TUSC2: variants seen among roughly 807,000 people sequenced by gnomAD.
The protein encoded by TUSC2 is tumor suppressor candidate 2.
TUSC2 carries 7 observed loss-of-function variants against 11.5 expected under a neutral mutation model. That is an observed-to-expected ratio of 0.61 (90% CI 0.35 to 1.14). The LOEUF (loss-of-function observed/expected upper bound fraction) is 1.14. TUSC2 is among the 50% of genes most tolerant of loss of function. TUSC2 has a pLI of 0.03. For synonymous variants in TUSC2, 61 were observed against 64.1 expected, an observed-to-expected ratio of 0.95 and a Z score of 0.23; for missense variants, 132 against 155.0, an observed-to-expected ratio of 0.85 and a Z score of 0.79.
chr3:50,326,362 G>C lies in TUSC2; in HGVS notation c.262C>G (p.Pro88Ala). Residue 88 changes from proline to alanine, a missense_variant, in exon 2 of 3, where the codon CCT (proline) becomes GCT (alanine). Coordinates refer to ENST00000232496, the MANE Select transcript of TUSC2 (RefSeq NM_007275.3). ...KLRRVHKNLI[P>A]QGIVKLDHPR... ...ACCGCTGCCCAGCCCCTCACCTGAG[G>C]AATCAGATTCTTATGCACTCGCCTC... The C allele has an allele frequency of 6.2e-7, 1 of 1,613,744 alleles. No individual in the cohort carries two copies. Among genetic ancestry groups the C allele is most frequent in the Non-Finnish European group, 8.5e-7 (1 of 1,179,974 alleles).
At position 50,324,938 on chromosome 3, in the gene TUSC2, T is replaced by C. The variant is rs1702766846; in HGVS notation, c.*1183A>G. 6.6e-6 allele frequency: 1 copy of C among 152,238 alleles called. No individual in the cohort carries two copies. The highest frequency in any genetic ancestry group is 2.4e-5 in the African/African-American group (1 of 41,390). The allele number at this position is 152,238 out of a possible 1,614,324, so 9.4% of individuals were successfully genotyped here. ...GGATCTACAAATCATTTTATTGAAA[T>C]TGAACAAATAACACAACAGTCTTCC... On this transcript the variant is annotated 3_prime_UTR_variant, in exon 3 of 3. Transcript: ENST00000232496.
At chr3:50,327,190 C>A (rs781931720) in intron 1 of TUSC2, 1 of 456,736 alleles carries the variant, frequency 2.2e-6, no homozygotes, top group South Asian at 1.5e-5. Context: ...ATGCTGCTGG[C>A]CCAGTGTCAA....
chr3:50,326,949 G>A, intron 1 of TUSC2: 5 of 338,210 alleles, frequency 1.5e-5, no homozygotes, highest in South Asian at 1.1e-4. Flanking sequence ...GGGGTTTGGG[G>A]TCTACTAGAA....
chr3:50,328,192 T>TGCCGCC lies in TUSC2; in HGVS notation c.-99_-94dup, dbSNP rs1338691840. On this transcript the variant is annotated 5_prime_UTR_variant, in exon 1 of 3. Coordinates refer to ENST00000232496, the MANE Select transcript of TUSC2 (RefSeq NM_007275.3). Reference sequence around the variant, plus strand: ...ACCTGCCCCAGCCGCTGATCGCAGGTGCCGCCGCCGCCGCCTTCCGCAGGC... The same window carrying TGCCGCC: ...ACCTGCCCCAGCCGCTGATCGCAGGTGCCGCCGCCGCCGCCGCCGCCTTCCGCAGGC... The TGCCGCC allele has an allele frequency of 9.9e-5, 127 of 1,276,422 alleles. No individual in the cohort carries two copies. Among genetic ancestry groups the TGCCGCC allele is most frequent in the African/African-American group, 1.6e-4 (10 of 64,106 alleles). The allele number at this position is 1,276,422 out of a possible 1,614,324, so 79.1% of individuals were successfully genotyped here. A position where few individuals can be genotyped will look rare whatever the true frequency, so the allele number is the denominator to read the frequency against.
chr3:50,327,406 G>A (rs780960044), intron 1 of TUSC2, among the ~76,000 whole-genome samples: 5 of 152,122 alleles, frequency 3.3e-5, no homozygotes, highest in African/African-American at 1.2e-4. Flanking sequence ...GGGCCTCTGG[G>A]AGACTGGGCT....
Position 50,328,044 on chromosome 3 carries a change from C to G in TUSC2, c.56G>C (p.Gly19Ala), listed in dbSNP as rs1702814115. The G allele has an allele frequency of 3.3e-6, 5 of 1,496,990 alleles. No individual in the cohort carries two copies. Among genetic ancestry groups the G allele is most frequent in the Non-Finnish European group, 4.5e-6 (5 of 1,122,658 alleles). The allele number at this position is 1,496,990 out of a possible 1,614,324, so 92.7% of individuals were successfully genotyped here. A position where few individuals can be genotyped will look rare whatever the true frequency, so the allele number is the denominator to read the frequency against. The change falls in exon 1 of 3, where the codon GGA becomes GCA. Residue 19 changes from glycine (G) to alanine (A), a missense_variant. By Grantham distance (60) the Gly-to-Ala change is moderately conservative. Around this residue, in one of 3 missense-constraint regions of TUSC2, gnomAD observed 17 missense variants for 33.1 expected, o/e 0.51. Coordinates refer to ENST00000232496, the MANE Select transcript of TUSC2 (RefSeq NM_007275.3). ...RGLWPFASAA[G>A]GGGSEAAGAE... is the part of the protein sequence containing the mutation. ...TCCTGCTGCCTCTGAGCCGCCGCCTCCGGCCGCCGAGGCGAAGGGCCACAG... is the reference window on the plus strand; with the variant it reads ...TCCTGCTGCCTCTGAGCCGCCGCCTGCGGCCGCCGAGGCGAAGGGCCACAG...
chr3:50,328,184 A>C lies in TUSC2; in HGVS notation c.-85T>G. 7.8e-7 allele frequency: 1 copy of C among 1,281,680 alleles called. No homozygotes were observed. Among genetic ancestry groups the C allele is most frequent in the Non-Finnish European group, 9.9e-7 (1 of 1,009,964 alleles). The allele number at this position is 1,281,680 out of a possible 1,614,324, so 79.4% of individuals were successfully genotyped here. On this transcript the variant is annotated 5_prime_UTR_variant, in exon 1 of 3. Transcript: ENST00000232496. The stretch of plus-strand genomic sequence containing the variant: ...CTACCATAACCTGCCCCAGCCGCTG[A>C]TCGCAGGTGCCGCCGCCGCCGCCTT...
At position 50,325,707 on chromosome 3, in the gene TUSC2, T is replaced by C. The variant is rs1702778663; in HGVS notation, c.*414A>G. ...AAAGGAAGTTCCTACTTGTATACAG[T>C]GCCCACAGCCTAGGGGCTGGAAGAA... On this transcript the variant is annotated 3_prime_UTR_variant, in exon 3 of 3. Transcript: ENST00000232496. This position sits in a 1 kb window ranked among gnomAD's most constrained non-coding sequence, Gnocchi z 5.1. 1 of 212,760 alleles carries C rather than the reference T, an allele frequency of 4.7e-6. No homozygotes were observed. The highest frequency in any genetic ancestry group is 2.3e-5 in the African/African-American group (1 of 43,768). 13.2% of individuals were successfully genotyped at this position (212,760 alleles called of 1,614,324 possible).
At position 50,328,012 on chromosome 3, in the gene TUSC2, G is replaced by C; in HGVS notation, c.88C>G (p.Gln30Glu). 1 of 1,531,388 alleles carries C rather than the reference G, an allele frequency of 6.5e-7. No individual in the cohort carries two copies. The highest frequency in any genetic ancestry group is 8.8e-7 in the Non-Finnish European group (1 of 1,141,470). The allele number at this position is 1,531,388 out of a possible 1,614,324, so 94.9% of individuals were successfully genotyped here. A position where few individuals can be genotyped will look rare whatever the true frequency, so the allele number is the denominator to read the frequency against. The change falls in exon 1 of 3, where the codon CAA becomes GAA. Residue 30 changes from glutamine to glutamate, a missense_variant. By Grantham distance (29) the Gln-to-Glu change is conservative. Around this residue, in one of 3 missense-constraint regions of TUSC2, gnomAD observed 50 missense variants for 27.9 expected, o/e 1.79. Transcript: ENST00000232496. ...CGGCCCCGAGGCCGCACCAAAGCTT[G>C]CTCAGCTCCTGCTGCCTCTGAGCCG... The part of the protein sequence containing the change: ...GGGSEAAGAE[Q>E]ALVRPRGRAV...
At chr3:50,326,723 T>G (rs1467934084) in intron 1 of TUSC2, among the ~76,000 whole-genome samples, 1 of 152,172 alleles carries the variant, frequency 6.6e-6, no homozygotes, top group Non-Finnish European at 1.5e-5. Flanking sequence ...GTTCAAGCAA[T>G]TCTCCTGCCT....
chr3:50,326,136 G>C lies in TUSC2; in HGVS notation c.318C>G (p.Ile106Met), dbSNP rs1702785287. Residue 106 changes from isoleucine to methionine, a missense_variant, in exon 3 of 3, where the codon ATC becomes ATG. Physicochemically the swap from Ile to Met is conservative, Grantham distance 10. Coordinates refer to ENST00000232496, the MANE Select transcript of TUSC2 (RefSeq NM_007275.3). Reference sequence around the variant, plus strand: ...CCTCCCAGGGTCACACCTCATAGAGGATCACAGGGAAATCCACGTGGATGC... The same window carrying C: ...CCTCCCAGGGTCACACCTCATAGAGCATCACAGGGAAATCCACGTGGATGC... ...HPRIHVDFPV[I>M]LYEV 1.3e-6 allele frequency: 2 copies of C among 1,592,200 alleles called. No homozygotes were observed. The highest frequency in any genetic ancestry group is 3.6e-5 in the Admixed American group (2 of 56,066).
rs868953546 is a variant in TUSC2, at chr3:50,327,987, C to A, written c.113G>T (p.Arg38Leu). 6.5e-7 allele frequency: 1 copy of A among 1,540,792 alleles called. No homozygotes were observed. ...CGTGAATACGAAGGGGGGCACAGCT[C>A]GGCCCCGAGGCCGCACCAAAGCTTG... The part of the protein sequence containing the change: ...AEQALVRPRG[R>L]AVPPFVFTRR... The change falls in exon 1 of 3, where the codon CGA (arginine) becomes CTA (leucine). Residue 38 changes from arginine (R) to leucine (L), a missense_variant. Arg to Leu is a moderately radical substitution (Grantham distance 102). Around this residue, in one of 3 missense-constraint regions of TUSC2, gnomAD observed 50 missense variants for 27.9 expected, o/e 1.79. Transcript: ENST00000232496.
chr3:50,326,063 T>G lies in TUSC2; in HGVS notation c.*58A>C. The G allele has an allele frequency of 6.5e-7, 1 of 1,548,620 alleles. No homozygotes were observed. Among genetic ancestry groups the G allele is most frequent in the African/African-American group, 1.4e-5 (1 of 73,250 alleles). On this transcript the variant is annotated 3_prime_UTR_variant, in exon 3 of 3. Transcript: ENST00000232496. The stretch of plus-strand genomic sequence containing the variant: ...CTCCTCAATGGAAGCCACACCTTGA[T>G]TGAGCCTGGGAGTTTCTTGCCGGGG...
Position 50,326,081 on chromosome 3 carries a change from T to C in TUSC2, c.*40A>G, listed in dbSNP as rs1553717337. 6.4e-7 allele frequency: 1 copy of C among 1,556,336 alleles called. No individual in the cohort carries two copies. ...ACCTTGATTGAGCCTGGGAGTTTCT[T>C]GCCGGGGCAGGGGGTGCTTCTGTCT... On this transcript the variant is annotated 3_prime_UTR_variant, in exon 3 of 3. Transcript: ENST00000232496.
intron 1 of TUSC2, 36 bp from the exon 2 acceptor site, chr3:50,326,513 GCC>G (rs782237622): frequency 6.8e-6 from 11 of 1,608,480 alleles, no homozygotes; most frequent in Non-Finnish European, 9.4e-6. Flanking sequence ...CTGGGCTGGA[GCC>G]CCACACCTGG....
At chr3:50,326,969 A>G (rs587638530) in intron 1 of TUSC2, 1 of 337,068 alleles carries the variant, frequency 3.0e-6, no homozygotes, top group East Asian at 8.3e-5. Flanking sequence ...AGAAAGTGGG[A>G]AGTGAGGTGA....
rs1340987544 is a variant in TUSC2, at chr3:50,326,523, T to C, written c.147-46A>G. The C allele has an allele frequency of 5.0e-6, 8 of 1,604,804 alleles. No individual in the cohort carries two copies. In the African/African-American group the frequency reaches 1.1e-4, roughly 21 times the overall value. ...ACAGGCTGGGCTGGAGCCCCACACCTGGGCATGGCAAATGTCACAGGTCAC... is the reference window on the plus strand; with the variant it reads ...ACAGGCTGGGCTGGAGCCCCACACCCGGGCATGGCAAATGTCACAGGTCAC... On this transcript the variant is annotated intron_variant, in intron 1 of 2. Transcript: ENST00000232496.
At position 50,325,978 on chromosome 3, in the gene TUSC2, G is replaced by C; in HGVS notation, c.*143C>G. 1 of 1,043,986 alleles carries C rather than the reference G, an allele frequency of 9.6e-7. No homozygotes were observed. The highest frequency in any genetic ancestry group is 2.3e-5 in the Admixed American group (1 of 43,838). 64.7% of individuals were successfully genotyped at this position (1,043,986 alleles called of 1,614,324 possible). On this transcript the variant is annotated 3_prime_UTR_variant, in exon 3 of 3. Coordinates refer to ENST00000232496, the MANE Select transcript of TUSC2 (RefSeq NM_007275.3). The surrounding 1 kb of genome is among the most constrained non-coding windows in gnomAD (Gnocchi z 5.1). Reference sequence around the variant, plus strand: ...CCAACCAATACTGTGGGACCGACCCGCTCACAGCTGAAGGTTATGGGCCAA... The same window carrying C: ...CCAACCAATACTGTGGGACCGACCCCCTCACAGCTGAAGGTTATGGGCCAA...
At position 50,328,152 on chromosome 3, in the gene TUSC2, G is replaced by C. The variant is rs1702816659; in HGVS notation, c.-53C>G. ...CCGTGGCCGCTCTGCTCACACCGCA[G>C]TCCGCACTACCATAACCTGCCCCAG... On this transcript the variant is annotated 5_prime_UTR_variant, in exon 1 of 3. Coordinates refer to ENST00000232496, the MANE Select transcript of TUSC2 (RefSeq NM_007275.3). 5 of 1,341,980 alleles carry C rather than the reference G, an allele frequency of 3.7e-6. No individual in the cohort carries two copies. The African/African-American group carries it at 7.7e-5, about 21-fold the overall frequency. The allele number at this position is 1,341,980 out of a possible 1,614,324, so 83.1% of individuals were successfully genotyped here.
Sources: gnomAD v4.1 joint callset for allele counts (sites outside exome capture counted in the v4.1 genomes callset) on GRCh38, gnomAD v4.1.1 for gene constraint, gnomAD v4.1.1 regional missense constraint, Gnocchi (gnomAD v3.1) non-coding constraint, MANE v1.5 for transcripts, NCBI Gene and HGNC (gene_info 2026-07-23, HGNC 2026-07-21) for gene names.